VPS13B: variants seen among roughly 807,000 people sequenced by gnomAD.
VPS13B encodes vacuolar protein sorting 13 homolog B.
Under a neutral mutation model 426.4 loss-of-function variants are expected in VPS13B, and 285 were observed. That is an observed-to-expected ratio of 0.67 (90% CI 0.61 to 0.74). The LOEUF (loss-of-function observed/expected upper bound fraction) is 0.74. Ranked by LOEUF, VPS13B falls within the 30% of genes least tolerant of loss-of-function variation. The pLI, the probability that VPS13B is intolerant of heterozygous loss-of-function variation, is 0.00. For synonymous variants in VPS13B, 1,676 were observed against 1,676.4 expected (o/e 1.00, Z 0.01); for missense variants, 4,537 against 4,782.6 (o/e 0.95, Z 1.51).
chr8:99,343,097 CTTT>C (rs759780417), intron 19 of VPS13B, among the ~76,000 whole-genome samples: 1 of 142,232 alleles, frequency 7.0e-6, no homozygotes, highest in Non-Finnish European at 1.5e-5. Flanking sequence ...ATTTTTCTTT[CTTT>C]TTTTTTTTTT....
chr8:99,481,846 A>G, intron 25 of VPS13B, 44 bp downstream of exon 25: 4 of 1,597,870 alleles, frequency 2.5e-6, no homozygotes, highest in Non-Finnish European at 2.6e-6. Context: ...AGGTTAATAT[A>G]TAACACAGAT....
intron 33 of VPS13B, among the ~76,000 whole-genome samples, chr8:99,634,811 A>T (rs1829005530): frequency 6.6e-6 from 1 of 151,928 alleles, no homozygotes; most frequent in African/African-American, 2.4e-5. Flanking sequence ...TTTTTGTTTA[A>T]TGTGCTTGCT....
chr8:99,842,048 C>T (rs1403681914), intron 54 of VPS13B, among the ~76,000 whole-genome samples: 1 of 152,168 alleles, frequency 6.6e-6, no homozygotes, highest in Non-Finnish European at 1.5e-5. Context: ...CTCTTCCCGC[C>T]TTTCAAAGTC....
chr8:99,285,735 G>A, intron 19 of VPS13B, among the ~76,000 whole-genome samples: 1 of 152,112 alleles, frequency 6.6e-6, no homozygotes, highest in East Asian at 1.9e-4. Flanking sequence ...TAGGCCAAAA[G>A]AGGAGTTGCT....
In VPS13B at chr8:99,821,279, G is replaced by A. The variant is rs1023787811; in HGVS notation, c.8995-15G>A. 2 of 1,612,540 alleles carry A rather than the reference G, an allele frequency of 1.2e-6. No homozygotes were observed. The highest frequency in any genetic ancestry group is 8.5e-7 in the Non-Finnish European group (1 of 1,179,250). ...GTAAGAAAATTACTTTATAATTGAG[G>A]CATTATTTTTCCAGGAAGCTTTTCA... On this transcript the variant is annotated splice_polypyrimidine_tract_variant and intron_variant, in intron 49 of 61. Transcript: ENST00000357162.
chr8:99,312,929 C>A (rs1358383324), intron 19 of VPS13B, among the ~76,000 whole-genome samples: 2 of 152,162 alleles, frequency 1.3e-5, no homozygotes. Context: ...GATCTTCAAT[C>A]CCTGATGCCC....
chr8:99,605,180 T>C lies in VPS13B; in HGVS notation c.5220+27547T>C, dbSNP rs367752531. On this transcript the variant is annotated intron_variant, in intron 33 of 61. Coordinates refer to ENST00000357162, the MANE Select transcript of VPS13B (RefSeq NM_152564.5). ...CCTGAGGGAAAACCCATGACTGACC[T>C]CCAGTGGTAATATGTGCTGTGGTCC... 1.4e-4 allele frequency among the ~76,000 whole-genome samples: 22 copies of C among 152,318 alleles called. No homozygotes were observed. In the East Asian group the frequency reaches 3.3e-3, roughly 23 times the overall value.
Position 99,699,756 on chromosome 8 carries a change from T to C in VPS13B, c.6278T>C (p.Ile2093Thr), listed in dbSNP as rs762658850. Residue 2093 changes from isoleucine (I) to threonine (T), a missense_variant, in exon 36 of 62, where the codon ATT becomes ACT. This residue lies in a region of VPS13B where 4,311 missense variants were observed against 4,474.3 expected (regional missense o/e 0.96). Transcript: ENST00000357162. ...ATTCATGGTGATGGAGTGCAAAAGATTTCAGCTCAAGAAAACATGTGGAGA... is the reference window on the plus strand; with the variant it reads ...ATTCATGGTGATGGAGTGCAAAAGACTTCAGCTCAAGAAAACATGTGGAGA... ...PKIHGDGVQK[I>T]SAQENMWRAV... 1.2e-6 allele frequency: 2 copies of C among 1,614,094 alleles called. No homozygotes were observed. The highest frequency in any genetic ancestry group is 1.7e-6 in the Non-Finnish European group (2 of 1,180,010).
At chr8:99,694,966 A>G (rs967335746) in intron 35 of VPS13B, among the ~76,000 whole-genome samples, 1 of 151,352 alleles carries the variant, frequency 6.6e-6, no homozygotes, top group Non-Finnish European at 1.5e-5. Context: ...ATCACTGGCC[A>G]TCAGAGAAAT....
rs182263845 is a variant in VPS13B at position 99,732,225 on chromosome 8, T to C, written c.7050+11178T>C. ...TATTTCCTTTCACACATGGGAACAG[T>C]CTGGAGGTTAGTGATCTAGGACTGC... On this transcript the variant is annotated intron_variant, in intron 39 of 61. Transcript: ENST00000357162. Among the ~76,000 whole-genome samples the C allele has an allele frequency of 2.6e-5, 4 of 152,258 alleles. No homozygotes were observed. The East Asian group carries it at 7.7e-4, about 29-fold the overall frequency.
chr8:99,620,440 A>G lies in VPS13B; in HGVS notation c.5221-21371A>G, dbSNP rs568427232. On this transcript the variant is annotated intron_variant, in intron 33 of 61. Coordinates refer to ENST00000357162, the MANE Select transcript of VPS13B (RefSeq NM_152564.5). The stretch of plus-strand genomic sequence containing the variant: ...CTACAGCACCAAAGTATAATGAAAT[A>G]TGTATGAGATCTCACTAAAAGAGCT... Among the ~76,000 whole-genome samples the G allele has an allele frequency of 1.3e-3, 202 of 152,290 alleles. 1 individual carries two copies. Among genetic ancestry groups the G allele is most frequent in the African/African-American group, 4.7e-3 (194 of 41,548 alleles).
In VPS13B at chr8:99,657,470, T is replaced by TGTGTGTG. The variant is rs60760111; in HGVS notation, c.5909-3884_5909-3883insGTGTGTG. ...TGATCATTCAGCAGTACTTTAAAAA[T>TGTGTGTG]TGTGTGTGTGTGTGTGTGTGTGTGT... On this transcript the variant is annotated intron_variant, in intron 34 of 61. Coordinates refer to ENST00000357162, the MANE Select transcript of VPS13B (RefSeq NM_152564.5). Among the ~76,000 whole-genome samples, 346 of 147,004 alleles carry TGTGTGTG rather than the reference T, an allele frequency of 2.4e-3. 1 individual carries two copies. Among genetic ancestry groups the TGTGTGTG allele is most frequent in the South Asian group, 5.0e-3 (23 of 4,558 alleles).
At chr8:99,309,057 A>G (rs200869537) in intron 19 of VPS13B, among the ~76,000 whole-genome samples, 10 of 151,872 alleles carry the variant, frequency 6.6e-5, no homozygotes, top group East Asian at 1.9e-4. Context: ...ATTTGTTTGA[A>G]TTCATTGTAG....
chr8:99,850,608 CGTTT>C (rs1816241415), intron 55 of VPS13B, among the ~76,000 whole-genome samples: 1 of 152,064 alleles, frequency 6.6e-6, no homozygotes, highest in African/African-American at 2.4e-5. Context: ...AACTTTCATA[CGTTT>C]GTTTAAATCT....
At chr8:99,199,706 T>C (rs1472798570) in intron 17 of VPS13B, among the ~76,000 whole-genome samples, 1 of 152,152 alleles carries the variant, frequency 6.6e-6, no homozygotes, top group African/African-American at 2.4e-5. Context: ...ATTTTAACAT[T>C]AGTCTTTTTC....
At chr8:99,607,918 C>A (rs1324186900) in intron 33 of VPS13B, among the ~76,000 whole-genome samples, 1 of 152,048 alleles carries the variant, frequency 6.6e-6, no homozygotes, top group Non-Finnish European at 1.5e-5. Context: ...GGCATTTTCT[C>A]AAATTTGTGT....
rs143027367 is a variant in VPS13B, at chr8:99,078,161, C to T, written c.292-18151C>T. Among the ~76,000 whole-genome samples the T allele has an allele frequency of 1.3e-4, 19 of 151,216 alleles. No homozygotes were observed. In the East Asian group the frequency reaches 3.5e-3, roughly 28 times the overall value. ...TCGTTATCATTTCAAATTCTTTTTC[C>T]TTTTTCTTTGGATCTGTTACTAGAG... On this transcript the variant is annotated intron_variant, in intron 3 of 61. Coordinates refer to ENST00000357162, the MANE Select transcript of VPS13B (RefSeq NM_152564.5).
At chr8:99,637,670 A>G (rs1336418086) in intron 33 of VPS13B, among the ~76,000 whole-genome samples, 5 of 152,116 alleles carry the variant, frequency 3.3e-5, no homozygotes, top group Admixed American at 1.3e-4. Flanking sequence ...GCTGGATGCT[A>G]AATTTCTTTA....
intron 8 of VPS13B, among the ~76,000 whole-genome samples, chr8:99,124,720 A>G (rs769928623): frequency 6.6e-6 from 1 of 151,868 alleles, no homozygotes; most frequent in Non-Finnish European, 1.5e-5. Context: ...CCCTGTCTCT[A>G]CTAAAAATAC....
Sources: gnomAD v4.1 joint callset for allele counts (sites outside exome capture counted in the v4.1 genomes callset) on GRCh38, gnomAD v4.1.1 for gene constraint, gnomAD v4.1.1 regional missense constraint, MANE v1.5 for transcripts, NCBI Gene and HGNC (gene_info 2026-07-23, HGNC 2026-07-21) for gene names.